Variants in NRXN3 observed in about 807,000 individuals in gnomAD.
NRXN3 encodes neurexin III.
A neutral mutation model predicts 137.6 loss-of-function variants in NRXN3; 32 were observed. The ratio of observed to expected loss-of-function variants is 0.23; its 90% CI spans 0.18 to 0.31. The LOEUF (loss-of-function observed/expected upper bound fraction) is 0.31. NRXN3 is among the 10% of genes least tolerant of loss of function. NRXN3 has a pLI of 1.00. For missense variants in NRXN3, 1,574 were observed against 2,062.5 expected (o/e 0.76, Z 4.59); for synonymous variants, 798 against 784.5 (o/e 1.02, Z -0.29).
Position 78,926,851 on chromosome 14 carries a change from TTATATATATAA to T in NRXN3, c.2276-30373_2276-30363del, listed in dbSNP as rs1223143537. Among the ~76,000 whole-genome samples, 4 of 25,908 alleles carry T rather than the reference TTATATATATAA, an allele frequency of 1.5e-4. 1 individual carries two copies. Among genetic ancestry groups the T allele is most frequent in the Admixed American group, 6.9e-4 (1 of 1,442 alleles). The allele number at this position is 25,908 out of a possible 152,430, so 17.0% of individuals were successfully genotyped here. On this transcript the variant is annotated intron_variant, in intron 10 of 20. Coordinates refer to ENST00000335750, the MANE Select transcript of NRXN3 (RefSeq NM_001330195.2). ...ATAATTTATATAAATATATAATATATTATATATATAATATATATATAATATATAATATATTT... is the reference window on the plus strand; with the variant it reads ...ATAATTTATATAAATATATAATATATTATATATATAATATATAATATATTT...
At chr14:78,676,193 A>G (rs1194484511) in intron 6 of NRXN3, among the ~76,000 whole-genome samples, 2 of 152,056 alleles carry the variant, frequency 1.3e-5, no homozygotes, top group African/African-American at 4.8e-5. Context: ...GCTTTAAATC[A>G]AAAGCTAAAA....
At chr14:78,344,879 GC>G (rs2082536951) in intron 4 of NRXN3, among the ~76,000 whole-genome samples, 3 of 152,208 alleles carry the variant, frequency 2.0e-5, no homozygotes, top group Admixed American at 2.0e-4. Flanking sequence ...TGAATCCTTA[GC>G]AAGCTCCCCA....
At chr14:78,176,623 C>T (rs954954476) in intron 1 of NRXN3, among the ~76,000 whole-genome samples, 75 of 152,134 alleles carry the variant, frequency 4.9e-4, no homozygotes, top group African/African-American at 1.7e-3. Flanking sequence ...GTACAAATGA[C>T]AAGATGGAGG....
chr14:79,515,258 G>A (rs928487703), intron 16 of NRXN3, among the ~76,000 whole-genome samples: 1 of 150,460 alleles, frequency 6.6e-6, no homozygotes, highest in African/African-American at 2.5e-5. Context: ...ACTGCCACAG[G>A]CAACCCAGCG....
intron 15 of NRXN3, among the ~76,000 whole-genome samples, chr14:79,358,613 GAAAGAAAGAAAGAA>G (rs2093547858): frequency 1.9e-4 from 25 of 129,156 alleles, no homozygotes; most frequent in East Asian, 9.1e-4. Flanking sequence ...GAAAGAGAAA[GAAAGAAAGAAAGAA>G]AGAAAGAAAG....
chr14:79,437,789 T>A, intron 15 of NRXN3, among the ~76,000 whole-genome samples: 1 of 152,220 alleles, frequency 6.6e-6, no homozygotes, highest in East Asian at 1.9e-4. Context: ...CTCATCAACC[T>A]AAATCTGCCA....
At chr14:78,948,751 G>C (rs2099377328) in intron 10 of NRXN3, among the ~76,000 whole-genome samples, 1 of 148,294 alleles carries the variant, frequency 6.7e-6, no homozygotes, top group South Asian at 2.1e-4. Flanking sequence ...CCTAGAATTA[G>C]ATTTTCTGTT....
intron 4 of NRXN3, among the ~76,000 whole-genome samples, chr14:78,349,663 G>T (rs1317430879): frequency 6.6e-6 from 1 of 152,148 alleles, no homozygotes; most frequent in Non-Finnish European, 1.5e-5. Context: ...TAAGCTCCTT[G>T]AAGACAAAAG....
At chr14:79,116,662 A>T (rs746369268) in intron 15 of NRXN3, among the ~76,000 whole-genome samples, 7 of 152,128 alleles carry the variant, frequency 4.6e-5, no homozygotes, top group Non-Finnish European at 8.8e-5. Context: ...CTTAATGATG[A>T]TGTTTCTCTG....
chr14:78,788,146 A>G (rs2098794620), intron 8 of NRXN3, among the ~76,000 whole-genome samples: 1 of 152,140 alleles, frequency 6.6e-6, no homozygotes, highest in Non-Finnish European at 1.5e-5. Context: ...TCCTAACACC[A>G]AGGCTCTTTC....
At chr14:79,786,069 T>G (rs2099128564) in intron 19 of NRXN3, among the ~76,000 whole-genome samples, 1 of 152,150 alleles carries the variant, frequency 6.6e-6, no homozygotes, top group African/African-American at 2.4e-5. Flanking sequence ...CTGTGGCCAC[T>G]GTCTGATTAA....
At chr14:78,627,410 G>T (rs2097476350) in intron 4 of NRXN3, among the ~76,000 whole-genome samples, 2 of 152,276 alleles carry the variant, frequency 1.3e-5, no homozygotes, top group East Asian at 3.9e-4. Flanking sequence ...AGTAGAAAAG[G>T]CAACTTACAT....
intron 6 of NRXN3, among the ~76,000 whole-genome samples, chr14:78,666,614 C>A (rs1266911002): frequency 2.6e-5 from 4 of 152,258 alleles, no homozygotes; most frequent in African/African-American, 9.6e-5. Context: ...TTTTTGCCCT[C>A]ATTTAATCAA....
chr14:78,846,853 C>G (rs185413734), intron 10 of NRXN3, among the ~76,000 whole-genome samples: 1 of 152,080 alleles, frequency 6.6e-6, no homozygotes, highest in African/African-American at 2.4e-5. Flanking sequence ...TTTGCTTAAT[C>G]CCTACTTTTT....
intron 15 of NRXN3, among the ~76,000 whole-genome samples, chr14:79,059,285 T>G (rs1025114780): frequency 8.1e-6 from 1 of 123,864 alleles, no homozygotes; most frequent in Non-Finnish European, 1.6e-5. Context: ...TGAGATGGAG[T>G]CTCACTCTGT....
chr14:79,378,040 T>C lies in NRXN3; in HGVS notation c.3263-89181T>C, dbSNP rs377322651. 4.2e-4 allele frequency among the ~76,000 whole-genome samples: 64 copies of C among 152,324 alleles called. 1 individual carries two copies. The East Asian group carries it at 6.0e-3, about 14-fold the overall frequency. On this transcript the variant is annotated intron_variant, in intron 15 of 20. Transcript: ENST00000335750. ...ACCAAAAAAGGTTAAACACTTGTCA[T>C]GGCCTCAGGCTAATGACCCCTTCTA... is the stretch of plus-strand genomic sequence containing the variant.
chr14:78,923,968 G>A (rs904642178), intron 10 of NRXN3, among the ~76,000 whole-genome samples: 3 of 152,058 alleles, frequency 2.0e-5, no homozygotes, highest in Non-Finnish European at 2.9e-5. Context: ...CCATTAATAC[G>A]GCTGGGCATG....
At chr14:79,071,881 G>T (rs1437801750) in intron 15 of NRXN3, among the ~76,000 whole-genome samples, 1 of 152,152 alleles carries the variant, frequency 6.6e-6, no homozygotes, top group Non-Finnish European at 1.5e-5. Context: ...CATTTACCCT[G>T]ATGTGATTAT....
At chr14:79,842,589 C>T (rs560837077) in intron 20 of NRXN3, among the ~76,000 whole-genome samples, 2 of 152,042 alleles carry the variant, frequency 1.3e-5, no homozygotes, top group Non-Finnish European at 2.9e-5. Context: ...GTGACTTGAT[C>T]TGATTTTTAT....
Sources: gnomAD v4.1 joint callset for allele counts (sites outside exome capture counted in the v4.1 genomes callset) on GRCh38, gnomAD v4.1.1 for gene constraint, MANE v1.5 for transcripts, NCBI Gene and HGNC (gene_info 2026-07-23, HGNC 2026-07-21) for gene names.